The following GALNT13 variants were observed in gnomAD, a reference collection of about 807,000 sequenced individuals.
The protein encoded by GALNT13 is polypeptide N-acetylgalactosaminyltransferase 13.
GALNT13 carries 28 observed loss-of-function variants against 64.2 expected under a neutral mutation model. The ratio of observed to expected loss-of-function variants is 0.44; its 90% CI spans 0.32 to 0.60. GALNT13 has a LOEUF of 0.60. Ranked by LOEUF, GALNT13 falls within the 20% of genes least tolerant of loss-of-function variation. GALNT13 has a pLI of 0.05. For missense variants in GALNT13, 577 were observed against 669.8 expected, an observed-to-expected ratio of 0.86 and a Z score of 1.53; for synonymous variants, 214 against 224.6, an observed-to-expected ratio of 0.95 and a Z score of 0.42.
Position 154,438,715 on chromosome 2 carries a change from T to C in GALNT13, c.1519T>C (p.Tyr507His), listed in dbSNP as rs1002010826. 1 of 1,608,822 alleles carries C rather than the reference T, an allele frequency of 6.2e-7. No homozygotes were observed. ...HHMRGNQLWE[Y>H]DAERLTLRHV... is the part of the protein sequence containing the mutation. ...TATGAGAGGAAATCAGTTATGGGAA[T>C]ATGATGCTGAGGTATAGTATTTTCT... Residue 507 changes from tyrosine to histidine, a missense_variant, in exon 12 of 13, where the codon TAT becomes CAT. This residue lies in a region of GALNT13 where 232 missense variants were observed against 270.6 expected (regional missense o/e 0.86). Transcript: ENST00000392825.
At chr2:154,106,648 C>T (rs1262468281) in intron 3 of GALNT13, among the ~76,000 whole-genome samples, 1 of 151,744 alleles carries the variant, frequency 6.6e-6, no homozygotes, top group African/African-American at 2.4e-5. Context: ...TTATAGAAGT[C>T]AGGTAGTGTG....
At chr2:154,252,099 T>C (rs1328166220) in intron 7 of GALNT13, among the ~76,000 whole-genome samples, 1 of 150,076 alleles carries the variant, frequency 6.7e-6, no homozygotes, top group African/African-American at 2.5e-5. Context: ...ACATTATAAA[T>C]AATAGCTTAG....
the GALNT13 span, among the ~76,000 whole-genome samples, chr2:153,326,955 G>A: frequency 6.6e-6 from 1 of 152,076 alleles, no homozygotes; most frequent in Non-Finnish European, 1.5e-5. Flanking sequence ...GTGGTGGCAT[G>A]CGCCTGTAAT....
intron 2 of GALNT13, among the ~76,000 whole-genome samples, chr2:153,908,402 C>T (rs1346440678): frequency 6.6e-6 from 1 of 152,032 alleles, no homozygotes; most frequent in Non-Finnish European, 1.5e-5. Context: ...GAGTTAGATC[C>T]CATTTGTCAA....
At chr2:153,142,732 A>G in the GALNT13 span, among the ~76,000 whole-genome samples, 1 of 151,948 alleles carries the variant, frequency 6.6e-6, no homozygotes, top group Admixed American at 6.6e-5. Flanking sequence ...GATTGACAAG[A>G]AGTCCTATGA....
At chr2:153,999,968 A>G (rs1695790641) in intron 3 of GALNT13, among the ~76,000 whole-genome samples, 1 of 151,996 alleles carries the variant, frequency 6.6e-6, no homozygotes, top group African/African-American at 2.4e-5. Context: ...TTGATAGGAG[A>G]GTCTTTCAGA....
intron 1 of GALNT13, among the ~76,000 whole-genome samples, chr2:153,879,026 G>T (rs1478214492): frequency 6.6e-6 from 1 of 152,108 alleles, no homozygotes; most frequent in Admixed American, 6.5e-5. Context: ...ATTTAACTGG[G>T]ATGGATCCAC....
the GALNT13 span, among the ~76,000 whole-genome samples, chr2:153,144,846 A>G: frequency 1.3e-5 from 2 of 152,006 alleles, no homozygotes; most frequent in Non-Finnish European, 2.9e-5. Flanking sequence ...AAGTTTTCTT[A>G]ACCTCTCTGA....
At chr2:153,579,051 A>G in the GALNT13 span, among the ~76,000 whole-genome samples, 1 of 152,206 alleles carries the variant, frequency 6.6e-6, no homozygotes, top group Non-Finnish European at 1.5e-5. Flanking sequence ...TCTCCAAGGC[A>G]TATTGGTTTG....
At chr2:153,664,166 C>T in the GALNT13 span, among the ~76,000 whole-genome samples, 3 of 152,138 alleles carry the variant, frequency 2.0e-5, no homozygotes, top group Non-Finnish European at 4.4e-5. Flanking sequence ...TCCTAGCAAG[C>T]CTGAGGGCAC....
intron 9 of GALNT13, among the ~76,000 whole-genome samples, chr2:154,394,898 G>A (rs1383764496): frequency 6.6e-6 from 1 of 152,130 alleles, no homozygotes; most frequent in Non-Finnish European, 1.5e-5. Flanking sequence ...AAAAACAAAA[G>A]TTCTGAAGAG....
At chr2:153,155,857 G>A in the GALNT13 span, among the ~76,000 whole-genome samples, 11 of 152,084 alleles carry the variant, frequency 7.2e-5, no homozygotes, top group African/African-American at 2.6e-4. Context: ...CTAACTTTTT[G>A]ATGTGGGCAT....
At chr2:154,437,526 TAAA>T in intron 11 of GALNT13, 1 of 1,281,160 alleles carries the variant, frequency 7.8e-7, no homozygotes, top group Admixed American at 2.3e-5. Context: ...TTATCGTAGT[TAAA>T]AGAAGAAAAC....
the GALNT13 span, among the ~76,000 whole-genome samples, chr2:153,232,464 T>G: frequency 1.3e-5 from 2 of 152,204 alleles, no homozygotes; most frequent in Non-Finnish European, 2.9e-5. Context: ...AGCCTTCTTC[T>G]TTTAGAACAC....
chr2:153,434,832 A>C, the GALNT13 span, among the ~76,000 whole-genome samples: 3 of 151,970 alleles, frequency 2.0e-5, no homozygotes, highest in Admixed American at 2.0e-4. Context: ...TCTTTAGTTT[A>C]ATTAGATCCC....
chr2:153,689,863 G>GT, the GALNT13 span, among the ~76,000 whole-genome samples: 1 of 151,768 alleles, frequency 6.6e-6, no homozygotes, highest in East Asian at 1.9e-4. Context: ...TCTTGAATCT[G>GT]TTTTTTTCTA....
the GALNT13 span, among the ~76,000 whole-genome samples, chr2:153,581,537 A>ATG: frequency 6.6e-6 from 1 of 151,952 alleles, no homozygotes; most frequent in Non-Finnish European, 1.5e-5. Context: ...ATTATCTTCT[A>ATG]TGTGTGTGTA....
chr2:154,342,714 G>A (rs951662961), intron 9 of GALNT13, among the ~76,000 whole-genome samples: 2 of 151,956 alleles, frequency 1.3e-5, no homozygotes, highest in South Asian at 2.1e-4. Context: ...TCTCACAAAC[G>A]CTATTTGCTC....
chr2:153,073,673 C>T, the GALNT13 span, among the ~76,000 whole-genome samples: 1 of 151,974 alleles, frequency 6.6e-6, no homozygotes, highest in Non-Finnish European at 1.5e-5. Flanking sequence ...ACAAAGTGAC[C>T]ATTTTATTGT....
Sources: allele counts gnomAD v4.1 joint callset (sites outside exome capture counted in the v4.1 genomes callset), GRCh38; gene constraint gnomAD v4.1.1; regional missense constraint gnomAD v4.1.1; transcripts MANE v1.5; gene names NCBI Gene and HGNC (gene_info 2026-07-23, HGNC 2026-07-21).